Variants in SDCBP observed in about 807,000 individuals in gnomAD.
SDCBP encodes syntenin-1.
A neutral mutation model predicts 30.5 loss-of-function variants in SDCBP; 22 were observed. The ratio of observed to expected loss-of-function variants is 0.72; its 90% CI spans 0.52 to 1.03. SDCBP has a LOEUF of 1.03. Ranked by LOEUF, SDCBP falls within the 50% of genes least tolerant of loss-of-function variation. SDCBP has a pLI of 0.00. For synonymous variants in SDCBP, 103 were observed against 118.7 expected (o/e 0.87, Z 0.86); for missense variants, 304 against 369.9 (o/e 0.82, Z 1.46).
chr8:58,578,316 G>A (rs2129608337), intron 6 of SDCBP, 108 bp downstream of exon 6: 1 of 789,122 alleles, frequency 1.3e-6, no homozygotes, highest in Admixed American at 3.3e-5. Context: ...ATGATCAAAT[G>A]TTATTGATGA....
chr8:58,566,530 T>G (rs1196621816), intron 2 of SDCBP, among the ~76,000 whole-genome samples: 1 of 152,198 alleles, frequency 6.6e-6, no homozygotes, highest in African/African-American at 2.4e-5. Flanking sequence ...ATATTTACAT[T>G]AAAGAACGTT....
At chr8:58,554,577 T>G (rs1427646484) in intron 1 of SDCBP, among the ~76,000 whole-genome samples, 1 of 152,198 alleles carries the variant, frequency 6.6e-6, no homozygotes. Flanking sequence ...AACTTTTAGT[T>G]TTGGGCATTA....
intron 2 of SDCBP, 21 bp downstream of exon 2, chr8:58,565,105 T>C: frequency 7.2e-7 from 1 of 1,385,308 alleles, no homozygotes; most frequent in Non-Finnish European, 1.0e-6. Flanking sequence ...TTAAATACTT[T>C]TGTCAAAACA....
rs759644725 is a variant in SDCBP at position 58,565,062 on chromosome 8, T to C, written c.29T>C (p.Leu10Ser). Residue 10 changes from leucine (L) to serine (S), a missense_variant, in exon 2 of 9, where the codon TTG becomes TCG. Physicochemically the swap from Leu to Ser is moderately radical, Grantham distance 145 (BLOSUM62 -2). Coordinates refer to ENST00000260130, the MANE Select transcript of SDCBP (RefSeq NM_005625.4). MSLYPSLED[L>S]KVDKVIQAQT... The stretch of plus-strand genomic sequence containing the variant: ...TCTCTCTATCCATCTCTCGAAGACT[T>C]GAAGGTAGACAAAGTAATTCAGGTA... The C allele has an allele frequency of 3.8e-6, 6 of 1,589,084 alleles. No individual in the cohort carries two copies. The highest frequency in any genetic ancestry group is 5.2e-6 in the Non-Finnish European group (6 of 1,164,174).
intron 1 of SDCBP, among the ~76,000 whole-genome samples, chr8:58,557,553 A>G (rs967670735): frequency 6.9e-6 from 1 of 144,942 alleles, no homozygotes; most frequent in Middle Eastern, 3.2e-3. Context: ...GTCCGAAACT[A>G]TCCCACCCAC....
At chr8:58,558,925 G>A (rs113473005) in intron 1 of SDCBP, among the ~76,000 whole-genome samples, 3,680 of 152,222 alleles carry the variant, frequency 0.024, 144 homozygotes, top group African/African-American at 0.084. Flanking sequence ...ATTTTAATAC[G>A]TGGAAAGAAA....
intron 1 of SDCBP, among the ~76,000 whole-genome samples, chr8:58,563,034 C>G (rs1554567404): frequency 6.6e-6 from 1 of 152,128 alleles, no homozygotes; most frequent in Non-Finnish European, 1.5e-5. Context: ...CCATATGACC[C>G]AGCAGTTGCA....
chr8:58,574,848 G>A (rs1805233802), intron 4 of SDCBP, among the ~76,000 whole-genome samples: 2 of 152,070 alleles, frequency 1.3e-5, no homozygotes, highest in South Asian at 2.1e-4. Context: ...ATCTCACATG[G>A]TTACATTTCT....
intron 4 of SDCBP, among the ~76,000 whole-genome samples, chr8:58,574,295 C>T (rs1040354031): frequency 1.3e-5 from 2 of 152,044 alleles, no homozygotes; most frequent in African/African-American, 4.8e-5. Context: ...TAACCACTAC[C>T]AACAATTCAT....
In SDCBP at chr8:58,572,209, C is replaced by G. The variant is rs369767536; in HGVS notation, c.135C>G (p.Leu45=). 9 of 1,587,158 alleles carry G rather than the reference C, an allele frequency of 5.7e-6. No homozygotes were observed. The highest frequency in any genetic ancestry group is 7.8e-6 in the Non-Finnish European group (9 of 1,158,420). The stretch of plus-strand genomic sequence containing the variant: ...ATTTATTCATTTACTTTTTAGATCT[C>G]TATCCCAGACTGTATCCAGAGCTCT... ...ASAPIPHDGN[L]YPRLYPELSQ... The change falls in exon 4 of 9, where the codon CTC becomes CTG. Residue 45 remains leucine (L), a synonymous_variant. Coordinates refer to ENST00000260130, the MANE Select transcript of SDCBP (RefSeq NM_005625.4).
chr8:58,570,871 T>G lies in SDCBP; in HGVS notation c.52-16T>G. On this transcript the variant is annotated splice_polypyrimidine_tract_variant and intron_variant, in intron 2 of 8. Coordinates refer to ENST00000260130, the MANE Select transcript of SDCBP (RefSeq NM_005625.4). ...AGTATAGCATATTGTTAGAATTTTC[T>G]TCTTTTCTTTTTCAGGCTCAAACTG... 3 of 1,600,074 alleles carry G rather than the reference T, an allele frequency of 1.9e-6. No homozygotes were observed. The highest frequency in any genetic ancestry group is 2.6e-6 in the Non-Finnish European group (3 of 1,168,114).
intron 5 of SDCBP, among the ~76,000 whole-genome samples, chr8:58,577,192 T>C (rs1805388158): frequency 6.6e-6 from 1 of 152,252 alleles, no homozygotes; most frequent in African/African-American, 2.4e-5. Context: ...TGTTCATTTA[T>C]GGGGTGCTAC....
chr8:58,574,704 A>C (rs1202955856), intron 4 of SDCBP, among the ~76,000 whole-genome samples: 1 of 152,040 alleles, frequency 6.6e-6, no homozygotes, highest in Non-Finnish European at 1.5e-5. Context: ...CCCCAGCTTT[A>C]TTGAGGTATA....
chr8:58,571,001 G>C, intron 3 of SDCBP, 36 bp downstream of exon 3: 2 of 1,441,922 alleles, frequency 1.4e-6, no homozygotes, highest in Non-Finnish European at 1.9e-6. Flanking sequence ...TCTGTGAACA[G>C]AAATATTGTT....
rs1332176288 is a variant in SDCBP at position 58,561,812 on chromosome 8, T to C, written c.-15-3207T>C. On this transcript the variant is annotated intron_variant, in intron 1 of 8. Transcript: ENST00000260130. ...GTAATGGTGGTGAGTAAATCACTTA[T>C]TTCTGATATATAAGTCTAAGACAAA... 5.8e-6 allele frequency: 4 copies of C among 684,876 alleles called. No homozygotes were observed. The African/African-American group carries it at 7.1e-5, about 12-fold the overall frequency. 42.4% of individuals were successfully genotyped at this position (684,876 alleles called of 1,614,324 possible). A position where few individuals can be genotyped will look rare whatever the true frequency, so the allele number is the denominator to read the frequency against.
At chr8:58,569,645 CT>C (rs1164541832) in intron 2 of SDCBP, among the ~76,000 whole-genome samples, 12 of 149,164 alleles carry the variant, frequency 8.0e-5, no homozygotes, top group East Asian at 1.9e-4. Flanking sequence ...CTTTATAGTT[CT>C]TTTTTTTTTC....
At position 58,582,839 on chromosome 8, in the gene SDCBP, A is replaced by C. The variant is rs1002452438; in HGVS notation, c.*1099A>C. 1.2e-4 allele frequency: 19 copies of C among 152,524 alleles called. No homozygotes were observed. Among genetic ancestry groups the C allele is most frequent in the African/African-American group, 3.6e-4 (15 of 41,438 alleles). 9.4% of individuals were successfully genotyped at this position (152,524 alleles called of 1,614,324 possible). A position where few individuals can be genotyped will look rare whatever the true frequency, so the allele number is the denominator to read the frequency against. On this transcript the variant is annotated 3_prime_UTR_variant, in exon 9 of 9. Transcript: ENST00000260130. ...TATTCTAATTAAATATGTATAAATA[A>C]AGTTACATTTTAGTCTGTCTATTAC...
rs761960405 is a variant in SDCBP, at chr8:58,578,115, A to G, written c.485A>G (p.Asn162Ser). Residue 162 changes from asparagine to serine, a missense_variant, in exon 6 of 9, where the codon AAT becomes AGT. Transcript: ENST00000260130. The stretch of plus-strand genomic sequence containing the variant: ...TTTGGGGACCAAGTACTTCAGATCA[A>G]TGGTGAAAACTGTGCAGGATGGAGC... ...LRFGDQVLQI[N>S]GENCAGWSSD... is the part of the protein sequence containing the mutation. 8.1e-6 allele frequency: 13 copies of G among 1,614,010 alleles called. No homozygotes were observed. Among genetic ancestry groups the G allele is most frequent in the South Asian group, 2.2e-5 (2 of 91,070 alleles).
At chr8:58,553,958 A>C (rs1200869502) in intron 1 of SDCBP, among the ~76,000 whole-genome samples, 2 of 152,166 alleles carry the variant, frequency 1.3e-5, no homozygotes, top group Non-Finnish European at 2.9e-5. Context: ...TACCCCTGAG[A>C]TCTGACCCCT....
Sources: allele counts gnomAD v4.1 joint callset (sites outside exome capture counted in the v4.1 genomes callset), GRCh38; gene constraint gnomAD v4.1.1; transcripts MANE v1.5; gene names NCBI Gene and HGNC (gene_info 2026-07-23, HGNC 2026-07-21).